The following TNR variants were observed in gnomAD, a reference collection of about 807,000 sequenced individuals.
The protein encoded by TNR is tenascin-R.
A neutral mutation model predicts 150.4 loss-of-function variants in TNR; 45 were observed. The ratio of observed to expected loss-of-function variants is 0.30; its 90% CI spans 0.24 to 0.38. TNR has a LOEUF of 0.38. Among genes scored for constraint, TNR ranks in the 10% least tolerant of loss-of-function variants. The pLI is 1.00. For synonymous variants in TNR, 687 were observed against 678.4 expected, an observed-to-expected ratio of 1.01 and a Z score of -0.20; for missense variants, 1,544 against 1,759.1, an observed-to-expected ratio of 0.88 and a Z score of 2.19.
At chr1:175,489,248 T>G (rs1658141225) in intron 2 of TNR, among the ~76,000 whole-genome samples, 1 of 152,172 alleles carries the variant, frequency 6.6e-6, no homozygotes, top group South Asian at 2.1e-4. Flanking sequence ...TCCCTTCCAC[T>G]TTGCTCACAA....
At chr1:175,699,930 C>T (rs1248069294) in intron 1 of TNR, among the ~76,000 whole-genome samples, 4 of 151,962 alleles carry the variant, frequency 2.6e-5, no homozygotes, top group Non-Finnish European at 4.4e-5. Flanking sequence ...TATTCTCCTC[C>T]TCAGTGGCCT....
At chr1:175,697,018 A>T (rs1388926947) in intron 1 of TNR, among the ~76,000 whole-genome samples, 1 of 151,170 alleles carries the variant, frequency 6.6e-6, no homozygotes, top group Non-Finnish European at 1.5e-5. Flanking sequence ...TTGTGAGTGT[A>T]GTTTGTGAAT....
At chr1:175,394,753 T>C (rs138305789) in intron 5 of TNR, among the ~76,000 whole-genome samples, 395 of 152,340 alleles carry the variant, frequency 2.6e-3, no homozygotes, top group Non-Finnish European at 4.1e-3. Flanking sequence ...TGCTTCTTGG[T>C]TGGAAGGCAG....
intron 1 of TNR, among the ~76,000 whole-genome samples, chr1:175,696,227 T>G (rs4990641): frequency 1.9e-3 from 141 of 73,910 alleles, no homozygotes; most frequent in South Asian, 2.9e-3. Flanking sequence ...GTTTTTTTTT[T>G]TTTTTTTTTT....
intron 1 of TNR, among the ~76,000 whole-genome samples, chr1:175,719,546 G>C (rs2101942939): frequency 6.6e-6 from 1 of 152,312 alleles, no homozygotes; most frequent in Non-Finnish European, 1.5e-5. Context: ...CAGTAAGTTA[G>C]CACACATAAA....
At chr1:175,329,978 G>A (rs1323487541) in intron 21 of TNR, 96 bp downstream of exon 21, 2 of 1,289,768 alleles carry the variant, frequency 1.6e-6, no homozygotes, top group African/African-American at 1.5e-5. Context: ...GGAACTCTGT[G>A]GGTGCTGCTG....
At chr1:175,594,575 C>G (rs1398135255) in intron 1 of TNR, among the ~76,000 whole-genome samples, 1 of 151,856 alleles carries the variant, frequency 6.6e-6, no homozygotes, top group Non-Finnish European at 1.5e-5. Flanking sequence ...TTTTAGAGGC[C>G]CAGGCACAGT....
chr1:175,352,308 A>G (rs866874123), intron 18 of TNR, among the ~76,000 whole-genome samples: 2 of 152,216 alleles, frequency 1.3e-5, no homozygotes, highest in Non-Finnish European at 2.9e-5. Context: ...CCCATACTAC[A>G]CTGAGCAAAC....
chr1:175,667,271 A>T (rs1466613592), intron 1 of TNR, among the ~76,000 whole-genome samples: 1 of 152,202 alleles, frequency 6.6e-6, no homozygotes, highest in Non-Finnish European at 1.5e-5. Flanking sequence ...GTGGCAGTTC[A>T]TTGTGGATAG....
At chr1:175,713,130 G>A (rs1266453175) in intron 1 of TNR, among the ~76,000 whole-genome samples, 2 of 152,182 alleles carry the variant, frequency 1.3e-5, no homozygotes, top group Non-Finnish European at 2.9e-5. Context: ...GATCAACCAA[G>A]GTAAGTCTTT....
chr1:175,686,348 G>A (rs975742710), intron 1 of TNR, among the ~76,000 whole-genome samples: 2 of 152,188 alleles, frequency 1.3e-5, no homozygotes, highest in African/African-American at 4.8e-5. Flanking sequence ...ACATTCAACA[G>A]AGTCATTAGA....
intron 1 of TNR, among the ~76,000 whole-genome samples, chr1:175,529,771 T>A (rs1477628670): frequency 6.6e-6 from 1 of 152,196 alleles, no homozygotes; most frequent in African/African-American, 2.4e-5. Flanking sequence ...TTCCACCCAC[T>A]GACCTTTCTT....
intron 1 of TNR, among the ~76,000 whole-genome samples, chr1:175,721,881 A>T (rs1667314149): frequency 8.4e-6 from 1 of 119,346 alleles, no homozygotes; most frequent in Non-Finnish European, 1.7e-5. Context: ...CCCCGGTCGG[A>T]TGTGCTTCCC....
At chr1:175,472,617 G>C (rs573708194) in intron 2 of TNR, among the ~76,000 whole-genome samples, 1 of 152,148 alleles carries the variant, frequency 6.6e-6, no homozygotes, top group African/African-American at 2.4e-5. Flanking sequence ...TCTTATAATC[G>C]TATGGGACCA....
At chr1:175,740,277 G>C (rs1245479797) in intron 1 of TNR, among the ~76,000 whole-genome samples, 1 of 152,228 alleles carries the variant, frequency 6.6e-6, no homozygotes, top group South Asian at 2.1e-4. Flanking sequence ...ACACAAGTCA[G>C]AAAGTGATGG....
intron 1 of TNR, among the ~76,000 whole-genome samples, chr1:175,653,710 A>G (rs971429859): frequency 6.6e-6 from 1 of 152,220 alleles, no homozygotes; most frequent in Non-Finnish European, 1.5e-5. Flanking sequence ...ACATACAGAT[A>G]TCTCAAAGTC....
At chr1:175,728,285 G>A (rs1667535463) in intron 1 of TNR, among the ~76,000 whole-genome samples, 2 of 152,238 alleles carry the variant, frequency 1.3e-5, no homozygotes, top group African/African-American at 4.8e-5. Context: ...ACTAGAGCCA[G>A]AAGGAAAAGA....
intron 2 of TNR, among the ~76,000 whole-genome samples, chr1:175,456,958 T>TG (rs1361166218): frequency 1.3e-4 from 20 of 152,252 alleles, no homozygotes; most frequent in Admixed American, 1.2e-3. Flanking sequence ...CCAATTGCTG[T>TG]GGGGGGCATT....
At chr1:175,466,491 G>A (rs1463116576) in intron 2 of TNR, among the ~76,000 whole-genome samples, 1 of 152,088 alleles carries the variant, frequency 6.6e-6, no homozygotes. Flanking sequence ...AGTCTTTCTG[G>A]GCTTGGAACA....
Sources: gnomAD v4.1 joint callset for allele counts (sites outside exome capture counted in the v4.1 genomes callset) on GRCh38, gnomAD v4.1.1 for gene constraint, MANE v1.5 for transcripts, NCBI Gene and HGNC (gene_info 2026-07-23, HGNC 2026-07-21) for gene names.